The following POMT2 variants were observed in gnomAD, a reference collection of about 807,000 sequenced individuals.
POMT2 encodes protein O-mannosyltransferase 2, also known as protein O-mannosyl-transferase 2.
POMT2 carries 75 observed loss-of-function variants against 100.0 expected under a neutral mutation model. The ratio of observed to expected loss-of-function variants is 0.75; its 90% confidence interval spans 0.62 to 0.91. POMT2 has a LOEUF of 0.91. Ranked by LOEUF, POMT2 falls within the 40% of genes least tolerant of loss-of-function variation. POMT2 has a pLI of 0.00. For synonymous variants in POMT2, 378 were observed against 374.1 expected (o/e 1.01, Z -0.12); for missense variants, 940 against 955.1 (o/e 0.98, Z 0.21).
intron 7 of POMT2, among the ~76,000 whole-genome samples, chr14:77,299,110 T>G (rs903129283): frequency 3.9e-5 from 6 of 152,176 alleles, no homozygotes; most frequent in African/African-American, 1.4e-4. Flanking sequence ...AGCTACTCAT[T>G]AAGTGGGAGC....
At chr14:77,280,331 G>A (rs1459050077) in intron 16 of POMT2, 61 bp downstream of exon 16, 57 of 978,892 alleles carry the variant, frequency 5.8e-5, no homozygotes, top group African/African-American at 2.5e-4. Flanking sequence ...CGCCTCCACC[G>A]GTCTCCCTGC....
At chr14:77,302,371 C>T (rs941089398) in intron 5 of POMT2, among the ~76,000 whole-genome samples, 5 of 152,166 alleles carry the variant, frequency 3.3e-5, no homozygotes, top group Admixed American at 2.0e-4. Flanking sequence ...GGACTGGATG[C>T]AACCACTGAC....
At chr14:77,293,711 C>G (rs2140210930) in intron 9 of POMT2, among the ~76,000 whole-genome samples, 1 of 152,350 alleles carries the variant, frequency 6.6e-6, no homozygotes, top group South Asian at 2.1e-4. Context: ...TGGTCAATGA[C>G]AAAGCCAGAC....
In POMT2 at chr14:77,277,422, T is replaced by C. The variant is rs755181337; in HGVS notation, c.2207A>G (p.Gln736Arg). 1 of 1,614,046 alleles carries C rather than the reference T, an allele frequency of 6.2e-7. No homozygotes were observed. The highest frequency in any genetic ancestry group is 8.5e-7 in the Non-Finnish European group (1 of 1,179,986). The stretch of plus-strand genomic sequence containing the variant: ...CCACCTTAGTCCTGCCATTGGACTT[T>C]GGGGGTCCTGGGCCAGGGGACCAAC... ...GMVGPLAQDP[Q>R]SPMAGLRWLD... Residue 736 changes from glutamine to arginine, a missense_variant, in exon 21 of 21, where the codon CAA becomes CGA. By Grantham distance (43) the Gln-to-Arg change is conservative (BLOSUM62 1). Transcript: ENST00000261534.
chr14:77,316,777 G>T (rs1009168278), intron 1 of POMT2, among the ~76,000 whole-genome samples: 1 of 152,130 alleles, frequency 6.6e-6, no homozygotes. Context: ...GTTAAAAGCT[G>T]ATGTTGCCCA....
chr14:77,277,936 G>A (rs958484487), intron 20 of POMT2, among the ~76,000 whole-genome samples: 35 of 132,968 alleles, frequency 2.6e-4, no homozygotes, highest in African/African-American at 8.6e-4. Context: ...GAGCTCTTCC[G>A]GCAGGGGGCC....
intron 8 of POMT2, among the ~76,000 whole-genome samples, chr14:77,297,064 G>A (rs187517754): frequency 2.5e-4 from 38 of 152,338 alleles, no homozygotes; most frequent in African/African-American, 7.9e-4. Context: ...GTGGGAACTC[G>A]GAACAGGCCA....
chr14:77,301,045 A>G, intron 6 of POMT2, 45 bp downstream of exon 6: 1 of 1,612,832 alleles, frequency 6.2e-7, no homozygotes, highest in South Asian at 1.1e-5. Context: ...ACTCAGCAAC[A>G]TCAGGGAGCA....
rs776638993 is a variant in POMT2, at chr14:77,320,649, C to T, written c.33G>A (p.Glu11=). 2 of 1,593,878 alleles carry T rather than the reference C, an allele frequency of 1.3e-6. No homozygotes were observed. Among genetic ancestry groups the T allele is most frequent in the Non-Finnish European group, 1.7e-6 (2 of 1,178,166 alleles). Residue 11 remains glutamate, a synonymous_variant, in exon 1 of 21, where the codon GAG becomes GAA. Coordinates refer to ENST00000261534, the MANE Select transcript of POMT2 (RefSeq NM_013382.7). Reference sequence around the variant, plus strand: ...GGCCCCTCCGGGGACGCAGCTCGGACTCTGCCAGGCCTCCGCCCGTGGCCG... The same window carrying T: ...GGCCCCTCCGGGGACGCAGCTCGGATTCTGCCAGGCCTCCGCCCGTGGCCG... The part of the protein sequence containing the change: MPPATGGGLA[E]SELRPRRGRC...
chr14:77,309,249 T>G (rs909034816), intron 2 of POMT2, among the ~76,000 whole-genome samples: 2 of 152,184 alleles, frequency 1.3e-5, no homozygotes, highest in African/African-American at 2.4e-5. Context: ...GGACTAGAAA[T>G]GTGGTGGATG....
At chr14:77,302,648 C>T (rs533997013) in intron 5 of POMT2, among the ~76,000 whole-genome samples, 187 bp downstream of exon 5, 15 of 152,254 alleles carry the variant, frequency 9.9e-5, no homozygotes, top group African/African-American at 3.4e-4. Context: ...CTGTAGAAAA[C>T]TTTTTAAAAT....
intron 11 of POMT2, chr14:77,287,536 CTCTCTCTCTA>C (rs1890474786): frequency 1.9e-5 from 2 of 106,570 alleles, no homozygotes; most frequent in Non-Finnish European, 4.2e-5. Context: ...CTCTCTCTCT[CTCTCTCTCTA>C]TATATATATA....
intron 18 of POMT2, chr14:77,279,125 A>G: frequency 5.3e-6 from 3 of 571,424 alleles, no homozygotes; most frequent in Non-Finnish European, 9.4e-6. Context: ...CAGCCTCTAA[A>G]GAAACCCTTC....
At position 77,299,446 on chromosome 14, in the gene POMT2, T is replaced by C. The variant is rs924245697; in HGVS notation, c.923+9A>G. On this transcript the variant is annotated intron_variant, in intron 7 of 20. Transcript: ENST00000261534. Reference sequence around the variant, plus strand: ...CAGAAGCAAGATGCTGCAAAGGCTCTGTCTGTACCTTTTACTCAGCACCAT... The same window carrying C: ...CAGAAGCAAGATGCTGCAAAGGCTCCGTCTGTACCTTTTACTCAGCACCAT... 1.2e-6 allele frequency: 2 copies of C among 1,610,968 alleles called. No homozygotes were observed. Among genetic ancestry groups the C allele is most frequent in the Non-Finnish European group, 1.7e-6 (2 of 1,177,262 alleles).
At chr14:77,288,862 A>G (rs1890538932) in intron 10 of POMT2, 31 bp from the exon 11 acceptor site, 2 of 1,592,734 alleles carry the variant, frequency 1.3e-6, no homozygotes, top group Admixed American at 1.7e-5. Context: ...TTGATATCCA[A>G]AATCACTCAC....
intron 1 of POMT2, among the ~76,000 whole-genome samples, chr14:77,315,148 G>T (rs923091649): frequency 6.6e-6 from 1 of 152,128 alleles, no homozygotes; most frequent in Non-Finnish European, 1.5e-5. Context: ...CATGTCTCAT[G>T]GGGGGAAGGA....
intron 1 of POMT2, among the ~76,000 whole-genome samples, chr14:77,314,326 T>C (rs1891548346): frequency 6.6e-6 from 1 of 152,160 alleles, no homozygotes; most frequent in Non-Finnish European, 1.5e-5. Context: ...CAGCACCACG[T>C]GGGACTTAGG....
At chr14:77,278,984 A>G in intron 18 of POMT2, 115 bp from the exon 19 acceptor site, 1 of 1,367,094 alleles carries the variant, frequency 7.3e-7, no homozygotes, top group Admixed American at 2.0e-5. Flanking sequence ...ATATCACCTC[A>G]TTGGACCAAC....
At chr14:77,319,058 A>T (rs888286336) in intron 1 of POMT2, among the ~76,000 whole-genome samples, 62 of 152,266 alleles carry the variant, frequency 4.1e-4, no homozygotes, top group African/African-American at 1.4e-3. Flanking sequence ...TCTTAAAAAA[A>T]TTTTTACAAG....
Sources: allele counts gnomAD v4.1 joint callset (sites outside exome capture counted in the v4.1 genomes callset), GRCh38; gene constraint gnomAD v4.1.1; transcripts MANE v1.5; gene names NCBI Gene and HGNC (gene_info 2026-07-23, HGNC 2026-07-21).